Variants in KAZN observed in about 807,000 individuals in gnomAD.
KAZN encodes the protein kazrin.
In KAZN, 40 loss-of-function variants were observed where a neutral mutation model predicts 87.4. The observed-to-expected ratio is 0.46, with a 90% CI of 0.36 to 0.60. The LOEUF (loss-of-function observed/expected upper bound fraction) is 0.60. Among genes scored for constraint, KAZN ranks in the 20% least tolerant of loss-of-function variants. The probability of loss-of-function intolerance (pLI) is 0.00; values close to 1 mark genes in which losing one functional copy is unlikely to be tolerated. For missense variants in KAZN, 898 were observed against 1,073.9 expected (o/e 0.84, Z 2.29); for synonymous variants, 466 against 458.3 (o/e 1.02, Z -0.22).
At chr1:14,110,592 A>AGACACT (rs1478034692) in intron 1 of KAZN, among the ~76,000 whole-genome samples, 11 of 137,290 alleles carry the variant, frequency 8.0e-5, no homozygotes, top group South Asian at 4.8e-4. Flanking sequence ...TATTTGCATG[A>AGACACT]CTTGGAATGA....
chr1:14,655,224 C>T (rs1190948398), intron 1 of KAZN, among the ~76,000 whole-genome samples: 2 of 152,178 alleles, frequency 1.3e-5, no homozygotes, highest in South Asian at 4.1e-4. Flanking sequence ...TCCATTTTCT[C>T]CCCAAGGCAG....
intron 1 of KAZN, among the ~76,000 whole-genome samples, chr1:14,772,818 A>G (rs1027452625): frequency 6.6e-6 from 1 of 152,166 alleles, no homozygotes; most frequent in Non-Finnish European, 1.5e-5. Context: ...TGAAGGTCAC[A>G]TTCCTCAACA....
At chr1:13,933,374 C>T (rs1466059854) in intron 1 of KAZN, among the ~76,000 whole-genome samples, 1 of 152,108 alleles carries the variant, frequency 6.6e-6, no homozygotes, top group African/African-American at 2.4e-5. Context: ...TGACTGTAAT[C>T]CCAGCTACTC....
intron 1 of KAZN, among the ~76,000 whole-genome samples, chr1:14,112,696 G>A (rs547328878): frequency 6.0e-4 from 92 of 152,344 alleles, no homozygotes; most frequent in African/African-American, 2.1e-3. Flanking sequence ...GCAGGGAGTT[G>A]TCTTGGCTGG....
chr1:14,831,131 A>C (rs1647037224), intron 1 of KAZN, among the ~76,000 whole-genome samples: 1 of 152,176 alleles, frequency 6.6e-6, no homozygotes, highest in Admixed American at 6.5e-5. Flanking sequence ...AAGTGCTGGG[A>C]TTACAGGCGT....
intron 1 of KAZN, among the ~76,000 whole-genome samples, chr1:14,913,677 C>T (rs1029204050): frequency 4.6e-5 from 7 of 152,214 alleles, no homozygotes; most frequent in Admixed American, 3.3e-4. Context: ...CCTTGCTGGG[C>T]GTCTTTGTAG....
At chr1:15,073,133 G>C (rs541107111) in intron 8 of KAZN, among the ~76,000 whole-genome samples, 1 of 152,188 alleles carries the variant, frequency 6.6e-6, no homozygotes, top group Admixed American at 6.5e-5. Context: ...GGACTTCCGT[G>C]TACGAGTCCA....
rs527608401 is a variant in KAZN at position 15,013,953 on chromosome 1, G to A, written c.419-20796G>A. The stretch of plus-strand genomic sequence containing the variant: ...TAGAGAAATCGTTGCTCTGCAGTTC[G>A]GAAATTCTTTGCTTGCCTGTCTCTC... On this transcript the variant is annotated intron_variant, in intron 2 of 14. Coordinates refer to ENST00000376030, the MANE Select transcript of KAZN (RefSeq NM_201628.3). Among the ~76,000 whole-genome samples, 60 of 152,216 alleles carry A rather than the reference G, an allele frequency of 3.9e-4. No homozygotes were observed. In the South Asian group the frequency reaches 5.4e-3, roughly 14 times the overall value.
chr1:15,004,843 T>C (rs1459512849), intron 2 of KAZN, among the ~76,000 whole-genome samples: 1 of 152,176 alleles, frequency 6.6e-6, no homozygotes, highest in African/African-American at 2.4e-5. Context: ...AAAGTGGGTA[T>C]AATAATAGTA....
chr1:14,025,250 CCCTTCTCA>C (rs1490613829), intron 1 of KAZN, among the ~76,000 whole-genome samples: 2 of 152,222 alleles, frequency 1.3e-5, no homozygotes, highest in Non-Finnish European at 2.9e-5. Flanking sequence ...TGAAGACCAT[CCCTTCTCA>C]TTGGTCAAGT....
At chr1:14,788,989 G>A (rs1023903344) in intron 1 of KAZN, among the ~76,000 whole-genome samples, 1 of 152,204 alleles carries the variant, frequency 6.6e-6, no homozygotes, top group Non-Finnish European at 1.5e-5. Context: ...TTCCCATAAT[G>A]CCTTCATGAG....
intron 2 of KAZN, among the ~76,000 whole-genome samples, chr1:14,540,107 GTGC>G (rs1167863292): frequency 6.6e-6 from 1 of 152,184 alleles, no homozygotes; most frequent in Admixed American, 6.5e-5. Context: ...GCCCCTGGAA[GTGC>G]TGCTAAGTGA....
intron 2 of KAZN, among the ~76,000 whole-genome samples, chr1:14,575,315 C>T (rs180987324): frequency 3.4e-4 from 52 of 152,170 alleles, no homozygotes; most frequent in Non-Finnish European, 5.7e-4. Flanking sequence ...CACAGTTGCA[C>T]GTGGCTGGGG....
intron 2 of KAZN, among the ~76,000 whole-genome samples, chr1:14,580,029 C>T (rs1001501468): frequency 6.6e-6 from 1 of 152,158 alleles, no homozygotes; most frequent in South Asian, 2.1e-4. Context: ...AATTAGTACC[C>T]ATTGTCACTC....
At chr1:14,749,118 G>A (rs927043410) in intron 1 of KAZN, among the ~76,000 whole-genome samples, 3 of 152,138 alleles carry the variant, frequency 2.0e-5, no homozygotes, top group African/African-American at 7.2e-5. Flanking sequence ...ATAAATAAAC[G>A]TGGTCCACAT....
intron 10 of KAZN, 92 bp from the exon 11 acceptor site, chr1:15,101,451 C>T (rs1355434641): frequency 8.5e-6 from 7 of 826,074 alleles, no homozygotes; most frequent in East Asian, 8.0e-5. Flanking sequence ...CATTGCTTTT[C>T]CTCTCTCTGC....
chr1:14,514,407 A>AATATATATATTATATATTATATATATTAT (rs1553182472), intron 2 of KAZN, among the ~76,000 whole-genome samples: 11 of 10,362 alleles, frequency 1.1e-3, no homozygotes, highest in African/African-American at 3.3e-3. Context: ...TTATATATAT[A>AATATATATATTATATATTATATATATTAT]ATATATAAAT....
rs1557508102 is a variant in KAZN, at chr1:14,139,957, GTGTGTGTGTGTGGTATGTA to G, written c.92-40465_92-40447del. Among the ~76,000 whole-genome samples, 324 of 71,208 alleles carry G rather than the reference GTGTGTGTGTGTGGTATGTA, an allele frequency of 4.6e-3. 2 individuals carry two copies. The highest frequency in any genetic ancestry group is 0.029 in the African/African-American group (298 of 10,332). The allele number at this position is 71,208 out of a possible 152,430, so 46.7% of individuals were successfully genotyped here. On this transcript the variant is annotated intron_variant, in intron 1 of 16. Transcript: ENST00000636203. Reference sequence around the variant, plus strand: ...TGTGTGTGTGTGTGTGTGTGTGTGTGTGTGTGTGTGTGGTATGTATGTGTGTGTGTGTGTTAAGTAGGAA... The same window carrying G: ...TGTGTGTGTGTGTGTGTGTGTGTGTGTGTGTGTGTGTGTGTTAAGTAGGAA...
At chr1:14,135,774 A>C (rs1645094717) in intron 1 of KAZN, among the ~76,000 whole-genome samples, 1 of 152,208 alleles carries the variant, frequency 6.6e-6, no homozygotes, top group East Asian at 1.9e-4. Context: ...TTAATTCTAA[A>C]AGAGAAGGCA....
Sources: gnomAD v4.1 joint callset for allele counts (sites outside exome capture counted in the v4.1 genomes callset) on GRCh38, gnomAD v4.1.1 for gene constraint, MANE v1.5 for transcripts, NCBI Gene and HGNC (gene_info 2026-07-23, HGNC 2026-07-21) for gene names.